Variants in IMMP2L observed in about 807,000 individuals in gnomAD.
The protein encoded by IMMP2L is mitochondrial inner membrane protease subunit 2.
A neutral mutation model predicts 19.3 loss-of-function variants in IMMP2L; 18 were observed. The observed-to-expected ratio is 0.93, with a 90% CI of 0.64 to 1.38. The LOEUF (loss-of-function observed/expected upper bound fraction) is 1.38. Ranked by LOEUF, IMMP2L falls within the 40% of genes most tolerant of loss-of-function variation. The pLI, the probability that IMMP2L is intolerant of heterozygous loss-of-function variation, is 0.00. For missense variants in IMMP2L, 233 were observed against 218.2 expected, an observed-to-expected ratio of 1.07 and a Z score of -0.43; for synonymous variants, 76 against 73.0, an observed-to-expected ratio of 1.04 and a Z score of -0.21.
chr7:110,890,150 T>A (rs1472877304), intron 4 of IMMP2L, among the ~76,000 whole-genome samples: 1 of 152,198 alleles, frequency 6.6e-6, no homozygotes, highest in Non-Finnish European at 1.5e-5. Flanking sequence ...ATAGACTATT[T>A]TTAATGGTAC....
chr7:111,283,685 T>G (rs897768187), intron 3 of IMMP2L, among the ~76,000 whole-genome samples: 1 of 151,968 alleles, frequency 6.6e-6, no homozygotes, highest in Non-Finnish European at 1.5e-5. Context: ...AAAAGAGACA[T>G]GATTGGCCGG....
At chr7:111,024,689 T>A (rs1190961099) in intron 3 of IMMP2L, among the ~76,000 whole-genome samples, 3 of 152,206 alleles carry the variant, frequency 2.0e-5, no homozygotes, top group Non-Finnish European at 4.4e-5. Flanking sequence ...CTGGCTTTTA[T>A]CCTTTCAATA....
chr7:110,932,928 G>A (rs572869640), intron 4 of IMMP2L, among the ~76,000 whole-genome samples: 32 of 152,204 alleles, frequency 2.1e-4, no homozygotes, highest in African/African-American at 7.7e-4. Flanking sequence ...GCAATAGGAG[G>A]GTGAACCTGC....
At chr7:110,779,768 A>G (rs1799615189) in intron 5 of IMMP2L, among the ~76,000 whole-genome samples, 1 of 151,830 alleles carries the variant, frequency 6.6e-6, no homozygotes, top group South Asian at 2.1e-4. Context: ...AAAAGAGTTA[A>G]TATTTATTTT....
At chr7:111,345,522 T>A (rs1306931755) in intron 3 of IMMP2L, among the ~76,000 whole-genome samples, 6 of 152,154 alleles carry the variant, frequency 3.9e-5, no homozygotes, top group Non-Finnish European at 7.4e-5. Context: ...GGTATTTGAT[T>A]ATTTGAGGAC....
intron 3 of IMMP2L, among the ~76,000 whole-genome samples, chr7:111,229,622 A>G (rs182134835): frequency 6.6e-6 from 1 of 152,068 alleles, no homozygotes; most frequent in South Asian, 2.1e-4. Flanking sequence ...TGCTTAACTT[A>G]CCATTGGGAG....
At chr7:111,142,334 AAAAAAAAAAGAAAGAAAG>A (rs1562846887) in intron 3 of IMMP2L, among the ~76,000 whole-genome samples, 23 of 63,590 alleles carry the variant, frequency 3.6e-4, no homozygotes, top group Admixed American at 5.3e-4. Flanking sequence ...TCAAAAAAAA[AAAAAAAAAAGAAAGAAAG>A]AAAGAAAGAA....
Position 110,924,776 on chromosome 7 carries a change from T to C in IMMP2L, c.306-38081A>G, listed in dbSNP as rs1391065120. Among the ~76,000 whole-genome samples the C allele has an allele frequency of 6.6e-6, 1 of 152,190 alleles. No homozygotes were observed. Among genetic ancestry groups the C allele is most frequent in the Admixed American group, 6.6e-5 (1 of 15,254 alleles). On this transcript the variant is annotated intron_variant, in intron 4 of 5. Coordinates refer to ENST00000405709, the MANE Select transcript of IMMP2L (RefSeq NM_032549.4). The surrounding 1 kb of genome is among the most constrained non-coding windows in gnomAD (Gnocchi z 4.2). The stretch of plus-strand genomic sequence containing the variant: ...CACCTTTTATCCCATCTACGTGTTC[T>C]AGTTATTGCTCCAAAGTAGAATTGG...
chr7:110,958,931 T>G (rs1412088408), intron 4 of IMMP2L, among the ~76,000 whole-genome samples: 2 of 151,980 alleles, frequency 1.3e-5, no homozygotes, highest in African/African-American at 4.8e-5. Flanking sequence ...ACACTGTCAT[T>G]CCCATTCTGC....
intron 3 of IMMP2L, among the ~76,000 whole-genome samples, chr7:111,333,874 T>A (rs1241717049): frequency 2.6e-5 from 4 of 152,106 alleles, no homozygotes; most frequent in Admixed American, 2.6e-4. Context: ...GACCTCACCT[T>A]GTGATCATGT....
At chr7:110,827,591 G>T (rs1213471364) in intron 5 of IMMP2L, among the ~76,000 whole-genome samples, 1 of 152,130 alleles carries the variant, frequency 6.6e-6, no homozygotes, top group East Asian at 1.9e-4. Context: ...GACAAATACT[G>T]TAACAGTACT....
intron 1 of IMMP2L, among the ~76,000 whole-genome samples, chr7:111,521,669 A>G (rs937991764): frequency 1.3e-5 from 2 of 152,162 alleles, no homozygotes; most frequent in Admixed American, 1.3e-4. Flanking sequence ...ACTCAAGTCC[A>G]CTTGCTAACT....
intron 3 of IMMP2L, among the ~76,000 whole-genome samples, chr7:111,373,425 A>G (rs561620697): frequency 4.6e-5 from 7 of 152,118 alleles, no homozygotes; most frequent in African/African-American, 1.7e-4. Context: ...AAAACACTGA[A>G]TAAAAGAGAG....
At chr7:111,350,546 A>C (rs1296425368) in intron 3 of IMMP2L, among the ~76,000 whole-genome samples, 1 of 152,040 alleles carries the variant, frequency 6.6e-6, no homozygotes, top group Non-Finnish European at 1.5e-5. Context: ...CTAGGCATAT[A>C]ATAATTATCT....
At chr7:111,337,719 C>T (rs1448597024) in intron 3 of IMMP2L, among the ~76,000 whole-genome samples, 1 of 152,092 alleles carries the variant, frequency 6.6e-6, no homozygotes, top group Non-Finnish European at 1.5e-5. Context: ...ATAAATGAAT[C>T]AACCATTCAG....
At chr7:111,014,138 C>T (rs1471329885) in intron 3 of IMMP2L, among the ~76,000 whole-genome samples, 1 of 152,046 alleles carries the variant, frequency 6.6e-6, no homozygotes, top group African/African-American at 2.4e-5. Flanking sequence ...CCGAGGGAGG[C>T]AGATCACTTG....
chr7:111,409,984 T>C (rs1210561420), intron 3 of IMMP2L, among the ~76,000 whole-genome samples: 10 of 151,730 alleles, frequency 6.6e-5, no homozygotes, highest in Non-Finnish European at 1.5e-4. Flanking sequence ...AGAAACAGAT[T>C]AGAGTTTGAA....
chr7:110,879,966 A>G (rs988243244), intron 5 of IMMP2L, among the ~76,000 whole-genome samples: 1 of 152,168 alleles, frequency 6.6e-6, no homozygotes, highest in Admixed American at 6.6e-5. Flanking sequence ...CAGAAAAATC[A>G]TTAGTGACAG....
At chr7:110,801,909 T>C (rs945404733) in intron 5 of IMMP2L, among the ~76,000 whole-genome samples, 11 of 151,964 alleles carry the variant, frequency 7.2e-5, no homozygotes, top group Admixed American at 2.0e-4. Context: ...GGGAGGTAGG[T>C]GGTAGGAGAA....
Sources: gnomAD v4.1 joint callset for allele counts (sites outside exome capture counted in the v4.1 genomes callset) on GRCh38, gnomAD v4.1.1 for gene constraint, Gnocchi (gnomAD v3.1) non-coding constraint, MANE v1.5 for transcripts, NCBI Gene and HGNC (gene_info 2026-07-23, HGNC 2026-07-21) for gene names.